ANKRD44: variants seen among roughly 807,000 people sequenced by gnomAD.
The protein encoded by ANKRD44 is ankyrin repeat domain 44.
ANKRD44 carries 35 observed loss-of-function variants against 116.0 expected under a neutral mutation model. The ratio of observed to expected loss-of-function variants is 0.30; its 90% CI spans 0.23 to 0.40. The LOEUF is 0.40. Among genes scored for constraint, ANKRD44 ranks in the 10% least tolerant of loss-of-function variants. The pLI is 1.00. For missense variants in ANKRD44, 1,014 were observed against 1,242.6 expected (o/e 0.82, Z 2.77); for synonymous variants, 435 against 461.8 (o/e 0.94, Z 0.74).
chr2:197,260,859 T>C (rs1378525366), intron 1 of ANKRD44, among the ~76,000 whole-genome samples: 1 of 23,546 alleles, frequency 4.2e-5, no homozygotes, highest in African/African-American at 1.7e-4. Flanking sequence ...TTTCATGTGT[T>C]TTTTGGCTGC....
At chr2:197,232,941 G>T (rs1413630135) in intron 1 of ANKRD44, among the ~76,000 whole-genome samples, 2 of 152,144 alleles carry the variant, frequency 1.3e-5, no homozygotes, top group Non-Finnish European at 2.9e-5. Context: ...TATTATATTT[G>T]TTATTTTATT....
At position 197,121,445 on chromosome 2, in the gene ANKRD44, C is replaced by T. The variant is rs368929104; in HGVS notation, c.793G>A (p.Val265Met). ...AACCCATTATTGTTTGGCTGGTTCA[C>T]GTTAGCACCGTAGTCAATCAACTCG... ...VNELIDYGAN[V>M]NQPNNNGFTP... is the part of the protein sequence containing the mutation. Residue 265 changes from valine to methionine, a missense_variant, in exon 8 of 28, where the codon GTG becomes ATG. Transcript: ENST00000282272. 2.5e-6 allele frequency: 4 copies of T among 1,614,092 alleles called. No homozygotes were observed. Among genetic ancestry groups the T allele is most frequent in the African/African-American group, 2.7e-5 (2 of 74,936 alleles).
At chr2:197,202,404 G>GA (rs536197157) in intron 1 of ANKRD44, among the ~76,000 whole-genome samples, 12,873 of 141,694 alleles carry the variant, frequency 0.091, 595 homozygotes, top group Non-Finnish European at 0.11. Context: ...ATTTCAGATG[G>GA]AAAAAAAAAA....
At chr2:197,308,644 C>T (rs1361136359) in intron 1 of ANKRD44, among the ~76,000 whole-genome samples, 1 of 152,224 alleles carries the variant, frequency 6.6e-6, no homozygotes, top group African/African-American at 2.4e-5. Flanking sequence ...CCTTTCTCTC[C>T]ATACTCATAC....
At chr2:197,001,475 T>C (rs552312093) in intron 22 of ANKRD44, among the ~76,000 whole-genome samples, 1 of 152,352 alleles carries the variant, frequency 6.6e-6, no homozygotes, top group Non-Finnish European at 1.5e-5. Context: ...GAGTTATACC[T>C]GAAGAGTTCT....
intron 17 of ANKRD44, among the ~76,000 whole-genome samples, chr2:197,020,813 T>TAAACA (rs1188949910): frequency 6.6e-6 from 1 of 151,622 alleles, no homozygotes; most frequent in African/African-American, 2.4e-5. Context: ...TTTATTATTA[T>TAAACA]TATACTTTAA....
chr2:197,290,220 G>A (rs577910297), intron 1 of ANKRD44, among the ~76,000 whole-genome samples: 1 of 140,978 alleles, frequency 7.1e-6, no homozygotes, highest in Admixed American at 6.8e-5. Flanking sequence ...CCCACCAACA[G>A]TGTAAAAGTG....
intron 8 of ANKRD44, among the ~76,000 whole-genome samples, chr2:197,118,018 C>A (rs1037411710): frequency 7.3e-5 from 11 of 151,620 alleles, no homozygotes; most frequent in Middle Eastern, 3.4e-3. Context: ...TGGAGGCCAG[C>A]CTGGGCAACA....
Position 197,310,611 on chromosome 2 carries a change from G to C in ANKRD44, c.-7C>G. On this transcript the variant is annotated 5_prime_UTR_variant, in exon 1 of 28. Transcript: ENST00000282272. ...TGAGTTTGAGCACTGCCATTCTTCC[G>C]CTCCTTCGCGCGCACACACATGCAG... The C allele has an allele frequency of 7.6e-7, 1 of 1,324,390 alleles. No individual in the cohort carries two copies. 82.0% of individuals were successfully genotyped at this position (1,324,390 alleles called of 1,614,324 possible).
At chr2:197,184,564 C>T (rs570229632) in intron 2 of ANKRD44, among the ~76,000 whole-genome samples, 122 of 148,570 alleles carry the variant, frequency 8.2e-4, no homozygotes, top group Non-Finnish European at 1.5e-3. Context: ...TCGCTTGACC[C>T]GGGAGATGGT....
At chr2:197,055,445 C>G (rs4850410) in intron 16 of ANKRD44, among the ~76,000 whole-genome samples, 4 of 151,998 alleles carry the variant, frequency 2.6e-5, no homozygotes, top group Non-Finnish European at 5.9e-5. Context: ...AAGCTTTTAA[C>G]GTTAATAGAG....
At chr2:197,088,561 T>C (rs1407716843) in intron 12 of ANKRD44, 150 bp downstream of exon 12, 2 of 489,650 alleles carry the variant, frequency 4.1e-6, no homozygotes, top group Non-Finnish European at 7.1e-6. Flanking sequence ...ATGCTTGTGA[T>C]GTGGAAATAT....
At chr2:197,136,281 T>G (rs2079214168) in intron 4 of ANKRD44, 2 of 337,392 alleles carry the variant, frequency 5.9e-6, no homozygotes. Context: ...GGCAGTTAGT[T>G]GCTTTCTCCC....
At position 197,073,879 on chromosome 2, in the gene ANKRD44, G is replaced by A. The variant is rs78543107; in HGVS notation, c.1650+4824C>T. On this transcript the variant is annotated intron_variant, in intron 16 of 27. Transcript: ENST00000282272. ...CAGTGTCCTAGGCCCTCAACTGAAG[G>A]CAAAACTGAAATGTTCTATTTTAAC... is the stretch of plus-strand genomic sequence containing the variant. Among the ~76,000 whole-genome samples the A allele has an allele frequency of 4.0e-3, 612 of 152,180 alleles. 5 individuals carry two copies. The highest frequency in any genetic ancestry group is 0.014 in the African/African-American group (563 of 41,498).
At chr2:197,072,715 T>C (rs886165770) in intron 16 of ANKRD44, among the ~76,000 whole-genome samples, 1 of 152,232 alleles carries the variant, frequency 6.6e-6, no homozygotes, top group African/African-American at 2.4e-5. Context: ...GTTTAAAGGA[T>C]AATAGTTTAT....
At chr2:197,123,868 G>A (rs988832919) in intron 6 of ANKRD44, among the ~76,000 whole-genome samples, 3 of 151,926 alleles carry the variant, frequency 2.0e-5, no homozygotes, top group South Asian at 2.1e-4. Flanking sequence ...AATTTTTTTC[G>A]ATTATTAGTG....
chr2:197,105,479 C>T (rs926772821), intron 9 of ANKRD44, among the ~76,000 whole-genome samples: 1 of 152,100 alleles, frequency 6.6e-6, no homozygotes, highest in Non-Finnish European at 1.5e-5. Flanking sequence ...AATTAAATAT[C>T]TTTACATATA....
chr2:197,164,452 G>C (rs1258803889), intron 2 of ANKRD44, among the ~76,000 whole-genome samples: 1 of 152,188 alleles, frequency 6.6e-6, no homozygotes, highest in Non-Finnish European at 1.5e-5. Context: ...CACACTGTGG[G>C]GTCGGGCAGG....
intron 2 of ANKRD44, 64 bp downstream of exon 2, chr2:197,186,959 G>T: frequency 7.2e-7 from 1 of 1,393,428 alleles, no homozygotes; most frequent in Non-Finnish European, 1.0e-6. Context: ...TATATAAAAG[G>T]TTAAGAGTCC....
Sources: allele counts gnomAD v4.1 joint callset (sites outside exome capture counted in the v4.1 genomes callset), GRCh38; gene constraint gnomAD v4.1.1; transcripts MANE v1.5; gene names NCBI Gene and HGNC (gene_info 2026-07-23, HGNC 2026-07-21).